LRRC28: variants seen among roughly 807,000 people sequenced by gnomAD.
LRRC28 encodes leucine rich repeat containing 28.
LRRC28 carries 39 observed loss-of-function variants against 45.7 expected under a neutral mutation model. The ratio of observed to expected loss-of-function variants is 0.85; its 90% CI spans 0.66 to 1.12. LRRC28 has a LOEUF of 1.12. Among genes scored for constraint, LRRC28 ranks in the 50% most tolerant of loss-of-function variants. The pLI, the probability that LRRC28 is intolerant of heterozygous loss-of-function variation, is 0.00. For missense variants in LRRC28, 435 were observed against 438.5 expected (o/e 0.99, Z 0.07); for synonymous variants, 206 against 178.8 (o/e 1.15, Z -1.22).
At chr15:99,334,560 C>A (rs1956262580) in intron 6 of LRRC28, among the ~76,000 whole-genome samples, 1 of 151,966 alleles carries the variant, frequency 6.6e-6, no homozygotes, top group South Asian at 2.1e-4. Flanking sequence ...GCCAGATAAC[C>A]AGATTATAAA....
At chr15:99,372,844 C>T (rs1597455087) in intron 9 of LRRC28, among the ~76,000 whole-genome samples, 1 of 152,134 alleles carries the variant, frequency 6.6e-6, no homozygotes, top group Non-Finnish European at 1.5e-5. Context: ...CACAGTTCCA[C>T]ATGGCTGAGG....
chr15:99,357,870 A>C (rs114145237), intron 7 of LRRC28, among the ~76,000 whole-genome samples: 3,135 of 152,178 alleles, frequency 0.021, 110 homozygotes, highest in African/African-American at 0.072. Context: ...TTTTTATATT[A>C]AATGATGATG....
intron 9 of LRRC28, 81 bp from the exon 10 acceptor site, chr15:99,385,949 A>G: frequency 7.7e-7 from 1 of 1,296,186 alleles, no homozygotes; most frequent in South Asian, 1.2e-5. Flanking sequence ...ATTTTAACAA[A>G]GAAAAAAGTT....
At chr15:99,384,582 G>A (rs150966672) in intron 9 of LRRC28, 3 of 152,062 alleles carry the variant, frequency 2.0e-5, no homozygotes, top group Non-Finnish European at 2.9e-5. Flanking sequence ...TATTGTTTTC[G>A]TTTCAGAATC....
chr15:99,310,361 T>A (rs1338189083), intron 5 of LRRC28, among the ~76,000 whole-genome samples: 1 of 152,242 alleles, frequency 6.6e-6, no homozygotes, highest in South Asian at 2.1e-4. Flanking sequence ...TTGTAATTTC[T>A]AATGAAATAT....
chr15:99,349,295 CT>C, intron 6 of LRRC28, among the ~76,000 whole-genome samples: 1 of 152,084 alleles, frequency 6.6e-6, no homozygotes, highest in Non-Finnish European at 1.5e-5. Context: ...TCTTAGAGAT[CT>C]TTTTTTGGTG....
intron 9 of LRRC28, among the ~76,000 whole-genome samples, chr15:99,379,106 C>A (rs180679409): frequency 6.6e-6 from 1 of 152,072 alleles, no homozygotes. Context: ...AGTTTCAGAA[C>A]GAGTGGTACT....
At chr15:99,259,017 C>CTCTGGACA in intron 2 of LRRC28, 1 of 798,224 alleles carries the variant, frequency 1.3e-6, no homozygotes. Context: ...GTTCATAAAA[C>CTCTGGACA]TCTGGACATG....
chr15:99,265,749 AG>A (rs2081315896), intron 2 of LRRC28, among the ~76,000 whole-genome samples: 1 of 152,204 alleles, frequency 6.6e-6, no homozygotes. Context: ...GAGGTAAGAG[AG>A]GTAAGAGATC....
At chr15:99,253,189 C>T (rs1173077643) in intron 1 of LRRC28, among the ~76,000 whole-genome samples, 1 of 151,572 alleles carries the variant, frequency 6.6e-6, no homozygotes, top group Non-Finnish European at 1.5e-5. Context: ...GGTGCGATCT[C>T]GGTTTACTGC....
intron 2 of LRRC28, 112 bp from the exon 3 acceptor site, chr15:99,276,464 A>C: frequency 1.4e-6 from 1 of 730,386 alleles, no homozygotes; most frequent in Non-Finnish European, 2.2e-6. Flanking sequence ...TTATTTTCAC[A>C]TTTTCTCAAA....
chr15:99,281,845 A>G (rs1009302052), intron 3 of LRRC28, among the ~76,000 whole-genome samples: 5 of 152,216 alleles, frequency 3.3e-5, no homozygotes, highest in African/African-American at 9.6e-5. Context: ...CAAATGATCA[A>G]CAAGGATTTG....
chr15:99,276,324 G>A (rs1230509186), intron 2 of LRRC28, among the ~76,000 whole-genome samples: 1 of 152,104 alleles, frequency 6.6e-6, no homozygotes, highest in African/African-American at 2.4e-5. Flanking sequence ...TGTCTTCCAT[G>A]AAACCAGTCC....
chr15:99,278,899 T>C (rs2081697907), intron 3 of LRRC28, among the ~76,000 whole-genome samples: 1 of 152,226 alleles, frequency 6.6e-6, no homozygotes, highest in Non-Finnish European at 1.5e-5. Flanking sequence ...TCAGGTTCAA[T>C]TCCTTGTAGG....
At chr15:99,276,641 T>A (rs2081624743) in intron 3 of LRRC28, 25 bp downstream of exon 3, 1 of 1,491,850 alleles carries the variant, frequency 6.7e-7, no homozygotes, top group Non-Finnish European at 9.0e-7. Flanking sequence ...TCAAATTTTT[T>A]AAAGACAAGA....
chr15:99,387,316 TC>T lies in LRRC28; in HGVS notation c.*1217del, dbSNP rs1958051878. Reference sequence around the variant, plus strand: ...ACCTCGTGATCCGCACGCCTCGGCCTCCCAAAGTGCTGGGATTACAGGCGTG... The same window carrying T: ...ACCTCGTGATCCGCACGCCTCGGCCTCCAAAGTGCTGGGATTACAGGCGTG... On this transcript the variant is annotated 3_prime_UTR_variant, in exon 10 of 10. Coordinates refer to ENST00000301981, the MANE Select transcript of LRRC28 (RefSeq NM_144598.5). 1 of 152,116 alleles carries T rather than the reference TC, an allele frequency of 6.6e-6. No homozygotes were observed. Among genetic ancestry groups the T allele is most frequent in the African/African-American group, 2.4e-5 (1 of 41,426 alleles). 9.4% of individuals were successfully genotyped at this position (152,116 alleles called of 1,614,324 possible).
chr15:99,381,048 C>T (rs1230250254), intron 9 of LRRC28, among the ~76,000 whole-genome samples: 1 of 152,080 alleles, frequency 6.6e-6, no homozygotes, highest in Non-Finnish European at 1.5e-5. Flanking sequence ...TTGTGGTGTT[C>T]TCTGTATTTC....
intron 2 of LRRC28, among the ~76,000 whole-genome samples, chr15:99,261,204 A>G (rs887681165): frequency 6.6e-6 from 1 of 152,240 alleles, no homozygotes; most frequent in Non-Finnish European, 1.5e-5. Flanking sequence ...TAGCACATTT[A>G]AAAGAATAAA....
chr15:99,265,576 G>A (rs2081311125), intron 2 of LRRC28, among the ~76,000 whole-genome samples: 1 of 152,138 alleles, frequency 6.6e-6, no homozygotes, highest in Non-Finnish European at 1.5e-5. Context: ...GGTCCCTGTG[G>A]TCTTTGTAAG....
Sources: allele counts gnomAD v4.1 joint callset (sites outside exome capture counted in the v4.1 genomes callset), GRCh38; gene constraint gnomAD v4.1.1; transcripts MANE v1.5; gene names NCBI Gene and HGNC (gene_info 2026-07-23, HGNC 2026-07-21).